The following CCDC6 variants were observed in gnomAD, a reference collection of about 807,000 sequenced individuals.
The protein encoded by CCDC6 is coiled-coil domain-containing protein 6.
A neutral mutation model predicts 56.6 loss-of-function variants in CCDC6; 20 were observed. The observed-to-expected ratio is 0.35, with a 90% CI of 0.25 to 0.51. CCDC6 has a LOEUF of 0.51. Ranked by LOEUF, CCDC6 falls within the 20% of genes least tolerant of loss-of-function variation. CCDC6 has a pLI of 0.95. For missense variants in CCDC6, 367 were observed against 601.1 expected (o/e 0.61, Z 4.07); for synonymous variants, 241 against 234.4 (o/e 1.03, Z -0.26).
At chr10:59,825,479 T>C (rs1564742705) in intron 3 of CCDC6, among the ~76,000 whole-genome samples, 1 of 152,312 alleles carries the variant, frequency 6.6e-6, no homozygotes, top group East Asian at 1.9e-4. Flanking sequence ...GGGTATGTCT[T>C]CATCAGCAGC....
chr10:59,895,600 C>T (rs1477822679), intron 1 of CCDC6, among the ~76,000 whole-genome samples: 1 of 152,186 alleles, frequency 6.6e-6, no homozygotes, highest in Non-Finnish European at 1.5e-5. Flanking sequence ...CCACTGTTAT[C>T]ACAGCAACAC....
chr10:59,866,364 T>C (rs548628575), intron 1 of CCDC6, among the ~76,000 whole-genome samples: 12 of 152,206 alleles, frequency 7.9e-5, no homozygotes, highest in Non-Finnish European at 1.6e-4. Context: ...TTTTATCTAC[T>C]ACAGTAACAG....
At chr10:59,861,909 G>A (rs3106569) in intron 1 of CCDC6, among the ~76,000 whole-genome samples, 77,823 of 152,036 alleles carry the variant, frequency 0.51, 21,936 homozygotes, top group African/African-American at 0.76. Context: ...AAGATATGGC[G>A]AAAGTTTCTT....
At chr10:59,831,207 T>G (rs1467713036) in intron 3 of CCDC6, among the ~76,000 whole-genome samples, 1 of 152,172 alleles carries the variant, frequency 6.6e-6, no homozygotes, top group Non-Finnish European at 1.5e-5. Context: ...GGAAGATGAA[T>G]GGTAAGAAGA....
chr10:59,852,731 A>G, intron 1 of CCDC6, 29 bp from the exon 2 acceptor site: 1 of 1,487,756 alleles, frequency 6.7e-7, no homozygotes, highest in Non-Finnish European at 8.9e-7. Context: ...GGAAAGAACA[A>G]AACAAAACAC....
chr10:59,876,589 GAAAA>G (rs10714988), intron 1 of CCDC6, among the ~76,000 whole-genome samples: 99 of 101,626 alleles, frequency 9.7e-4, no homozygotes, highest in African/African-American at 3.1e-3. Context: ...TGTTAAGGGG[GAAAA>G]AAAAAAAAAA....
chr10:59,867,649 G>A (rs2071188764), intron 1 of CCDC6, among the ~76,000 whole-genome samples: 1 of 152,168 alleles, frequency 6.6e-6, no homozygotes, highest in Non-Finnish European at 1.5e-5. Flanking sequence ...GACTTCCCGG[G>A]CTTGAGTAAT....
rs2070450756 is a variant in CCDC6 at position 59,789,634 on chromosome 10, A to C, written c.*3283T>G. 4.4e-6 allele frequency: 1 copy of C among 226,798 alleles called. No individual in the cohort carries two copies. Among genetic ancestry groups the C allele is most frequent in the Non-Finnish European group, 8.8e-6 (1 of 113,886 alleles). The allele number at this position is 226,798 out of a possible 1,614,324, so 14.0% of individuals were successfully genotyped here. Reference sequence around the variant, plus strand: ...ATTTCTTTGGTAGTCATCACTACAAAGTTTTCAGTGTTGGTTACCTATAAG... The same window carrying C: ...ATTTCTTTGGTAGTCATCACTACAACGTTTTCAGTGTTGGTTACCTATAAG... On this transcript the variant is annotated 3_prime_UTR_variant, in exon 9 of 9. Coordinates refer to ENST00000263102, the MANE Select transcript of CCDC6 (RefSeq NM_005436.5).
intron 2 of CCDC6, among the ~76,000 whole-genome samples, chr10:59,836,704 G>T (rs1023983507): frequency 1.3e-5 from 2 of 152,120 alleles, no homozygotes; most frequent in African/African-American, 4.8e-5. Context: ...CAATCTCAAA[G>T]ATTATGGAAC....
chr10:59,808,180 G>C (rs1217787534), intron 5 of CCDC6, among the ~76,000 whole-genome samples: 2 of 152,108 alleles, frequency 1.3e-5, no homozygotes, highest in Non-Finnish European at 2.9e-5. Context: ...TCCCAGGACA[G>C]AGCTGACTAG....
intron 1 of CCDC6, among the ~76,000 whole-genome samples, chr10:59,859,973 T>C (rs1348521424): frequency 6.6e-6 from 1 of 152,108 alleles, no homozygotes; most frequent in Non-Finnish European, 1.5e-5. Flanking sequence ...TCCCAGCTAC[T>C]CGGAAAGCTG....
At chr10:59,814,182 T>A (rs2070694124) in intron 4 of CCDC6, among the ~76,000 whole-genome samples, 1 of 152,212 alleles carries the variant, frequency 6.6e-6, no homozygotes, top group Non-Finnish European at 1.5e-5. Flanking sequence ...TAGCCTTAAG[T>A]ATGTAAAGGT....
chr10:59,906,361 C>G lies in CCDC6; in HGVS notation c.64G>C (p.Ala22Pro). ...GTCGACGAGCAGGACGACTGCATGG[C>G]GGCCGAGCTGCTGCTGTTGCCCCCC... Reference protein sequence around the residue: ...GAGGNSSSSAAMQSSCSSTSG... With the variant: ...GAGGNSSSSAPMQSSCSSTSG... Residue 22 changes from alanine to proline, a missense_variant, in exon 1 of 9, where the codon GCC (alanine) becomes CCC (proline). This residue lies in a region of CCDC6 where 79 missense variants were observed against 74.9 expected (regional missense o/e 1.05). Transcript: ENST00000263102. The G allele has an allele frequency of 6.3e-7, 1 of 1,595,018 alleles. No individual in the cohort carries two copies. Among genetic ancestry groups the G allele is most frequent in the Non-Finnish European group, 8.5e-7 (1 of 1,177,960 alleles).
intron 7 of CCDC6, among the ~76,000 whole-genome samples, chr10:59,803,789 G>A (rs1326392482): frequency 1.3e-5 from 2 of 152,240 alleles, no homozygotes; most frequent in Non-Finnish European, 2.9e-5. Flanking sequence ...CAGGCTGCCT[G>A]ACAGAAGTTC....
chr10:59,824,562 A>G (rs1045099003), intron 3 of CCDC6, among the ~76,000 whole-genome samples: 8 of 152,176 alleles, frequency 5.3e-5, no homozygotes. Context: ...AGGGTTTACT[A>G]TGATTATGTC....
At chr10:59,872,779 T>TTGGGG (rs879391093) in intron 1 of CCDC6, among the ~76,000 whole-genome samples, 1 of 57,196 alleles carries the variant, frequency 1.7e-5, no homozygotes, top group Non-Finnish European at 3.2e-5. Context: ...ACTTTCCAGA[T>TTGGGG]GGGGGGGTGG....
chr10:59,793,166 A>AC, intron 8 of CCDC6, 55 bp from the exon 9 acceptor site: 1 of 1,466,960 alleles, frequency 6.8e-7, no homozygotes. Context: ...ATCTCATTCT[A>AC]CCTAACACAG....
At chr10:59,821,127 TCA>T (rs1439574105) in intron 3 of CCDC6, among the ~76,000 whole-genome samples, 5 of 152,140 alleles carry the variant, frequency 3.3e-5, no homozygotes, top group African/African-American at 1.2e-4. Context: ...AGAAAAATGG[TCA>T]CAGTTTTGCT....
At chr10:59,800,627 T>A (rs1018384752) in intron 7 of CCDC6, among the ~76,000 whole-genome samples, 14 of 151,770 alleles carry the variant, frequency 9.2e-5, no homozygotes, top group African/African-American at 2.4e-4. Context: ...TTTTTTTTTT[T>A]AAACCTGCTT....
Sources: allele counts gnomAD v4.1 joint callset (sites outside exome capture counted in the v4.1 genomes callset), GRCh38; gene constraint gnomAD v4.1.1; regional missense constraint gnomAD v4.1.1; transcripts MANE v1.5; gene names NCBI Gene and HGNC (gene_info 2026-07-23, HGNC 2026-07-21).